ARHGAP42: variants seen among roughly 807,000 people sequenced by gnomAD.
The protein encoded by ARHGAP42 is Rho GTPase activating protein 42, also known as rho GTPase-activating protein 42.
A neutral mutation model predicts 125.0 loss-of-function variants in ARHGAP42; 63 were observed. The ratio of observed to expected loss-of-function variants is 0.50; its 90% CI spans 0.41 to 0.62. The LOEUF (loss-of-function observed/expected upper bound fraction) is 0.62. ARHGAP42 is among the 20% of genes least tolerant of loss of function. The probability of loss-of-function intolerance (pLI) is 0.00; values close to 1 mark genes in which losing one functional copy is unlikely to be tolerated. For missense variants in ARHGAP42, 766 were observed against 1,024.2 expected, an observed-to-expected ratio of 0.75 and a Z score of 3.44; for synonymous variants, 339 against 351.0, an observed-to-expected ratio of 0.97 and a Z score of 0.38.
intron 4 of ARHGAP42, among the ~76,000 whole-genome samples, chr11:100,889,187 C>A (rs1011699586): frequency 1.3e-5 from 2 of 152,140 alleles, no homozygotes; most frequent in African/African-American, 2.4e-5. Flanking sequence ...CTTGCTCTTA[C>A]AACAGAAATA....
intron 2 of ARHGAP42, among the ~76,000 whole-genome samples, chr11:100,781,285 G>T (rs1863305295): frequency 2.1e-5 from 3 of 144,968 alleles, no homozygotes; most frequent in Non-Finnish European, 4.6e-5. Flanking sequence ...AACATGAACT[G>T]TTTTTTTTTT....
intron 1 of ARHGAP42, among the ~76,000 whole-genome samples, chr11:100,762,331 T>C (rs1565560529): frequency 6.6e-6 from 1 of 152,182 alleles, no homozygotes; most frequent in Non-Finnish European, 1.5e-5. Flanking sequence ...TGTGCTTTTT[T>C]TTGCATTTTC....
chr11:100,879,990 A>G (rs948101582), intron 4 of ARHGAP42, among the ~76,000 whole-genome samples: 1 of 152,178 alleles, frequency 6.6e-6, no homozygotes, highest in East Asian at 1.9e-4. Context: ...TAATTTTGCT[A>G]TTCATATGCC....
chr11:100,812,406 T>C (rs1864167873), intron 3 of ARHGAP42, among the ~76,000 whole-genome samples: 1 of 152,196 alleles, frequency 6.6e-6, no homozygotes, highest in Admixed American at 6.5e-5. Flanking sequence ...AGAATACAAC[T>C]CTGGTCAAAA....
chr11:100,891,815 G>C (rs957271605), intron 4 of ARHGAP42, among the ~76,000 whole-genome samples: 1 of 152,142 alleles, frequency 6.6e-6, no homozygotes, highest in African/African-American at 2.4e-5. Context: ...TGCCGAGTTA[G>C]AGGTACACGT....
In ARHGAP42 at chr11:100,879,298, A is replaced by T. The variant is rs138179003; in HGVS notation, c.384+19673A>T. Among the ~76,000 whole-genome samples the T allele has an allele frequency of 1.3e-3, 200 of 152,222 alleles. 1 individual carries two copies. The highest frequency in any genetic ancestry group is 4.3e-3 in the African/African-American group (180 of 41,550). On this transcript the variant is annotated intron_variant, in intron 4 of 23. Coordinates refer to ENST00000298815, the MANE Select transcript of ARHGAP42 (RefSeq NM_152432.4). ...TGTGGTCCTCTCTATTTGGGGGGTT[A>T]TCCTTGGTTTTTGAAGTACTGAGTG...
In ARHGAP42 at chr11:100,985,457, G is replaced by A. The variant is rs537409904; in HGVS notation, c.2457-2056G>A. Among the ~76,000 whole-genome samples the A allele has an allele frequency of 1.8e-4, 27 of 152,198 alleles. No homozygotes were observed. In the South Asian group the frequency reaches 1.9e-3, roughly 11 times the overall value. On this transcript the variant is annotated intron_variant, in intron 22 of 23. Transcript: ENST00000298815. ...TTATAGTTGGCTAGAAGATTTATAGGGAAAAAGTTTATATTCTATTTGAGA... is the reference window on the plus strand; with the variant it reads ...TTATAGTTGGCTAGAAGATTTATAGAGAAAAAGTTTATATTCTATTTGAGA...
chr11:100,868,788 A>G (rs1208027499), intron 4 of ARHGAP42, among the ~76,000 whole-genome samples: 1 of 152,172 alleles, frequency 6.6e-6, no homozygotes, highest in African/African-American at 2.4e-5. Context: ...TAGTTGCCTT[A>G]TCTAAGCTTT....
intron 1 of ARHGAP42, among the ~76,000 whole-genome samples, chr11:100,699,932 G>A (rs1054594839): frequency 2.6e-5 from 4 of 152,036 alleles, no homozygotes; most frequent in East Asian, 1.9e-4. Context: ...CTAGCTTCTC[G>A]TGGTTGCCAG....
intron 3 of ARHGAP42, among the ~76,000 whole-genome samples, chr11:100,809,261 A>G (rs535781187): frequency 1.5e-4 from 23 of 152,208 alleles, no homozygotes; most frequent in South Asian, 1.0e-3. Flanking sequence ...AAAGAAAAAG[A>G]AAAAAAGAAA....
chr11:100,817,640 A>G (rs1477892764), intron 3 of ARHGAP42, among the ~76,000 whole-genome samples: 2 of 152,210 alleles, frequency 1.3e-5, no homozygotes, highest in African/African-American at 2.4e-5. Context: ...ACATCTCCGT[A>G]TAAGCCAGAC....
At chr11:100,957,344 A>G (rs1857830704) in intron 12 of ARHGAP42, among the ~76,000 whole-genome samples, 1 of 152,058 alleles carries the variant, frequency 6.6e-6, no homozygotes, top group Non-Finnish European at 1.5e-5. Context: ...GTCTTGTTCC[A>G]TTGTTAGGCA....
At chr11:100,826,768 CT>C (rs2135085854) in intron 3 of ARHGAP42, among the ~76,000 whole-genome samples, 1 of 152,256 alleles carries the variant, frequency 6.6e-6, no homozygotes, top group African/African-American at 2.4e-5. Flanking sequence ...CATGTCACCC[CT>C]GTCTCTCTGG....
intron 1 of ARHGAP42, among the ~76,000 whole-genome samples, chr11:100,696,460 C>T (rs1469685409): frequency 6.6e-6 from 1 of 151,638 alleles, no homozygotes; most frequent in Non-Finnish European, 1.5e-5. Flanking sequence ...TTCAAGCAAT[C>T]CTCCTGTCTT....
At chr11:100,942,751 G>A (rs1867916979) in intron 9 of ARHGAP42, among the ~76,000 whole-genome samples, 1 of 152,040 alleles carries the variant, frequency 6.6e-6, no homozygotes, top group Admixed American at 6.6e-5. Flanking sequence ...GCATTCATCA[G>A]AGTCTAATAA....
chr11:100,689,401 T>C (rs1035156828), intron 1 of ARHGAP42, among the ~76,000 whole-genome samples: 1 of 152,234 alleles, frequency 6.6e-6, no homozygotes, highest in Non-Finnish European at 1.5e-5. Flanking sequence ...CAGTTCTTGT[T>C]GGAGGTGCCA....
intron 1 of ARHGAP42, among the ~76,000 whole-genome samples, chr11:100,719,152 G>A (rs1344069783): frequency 6.6e-6 from 1 of 152,214 alleles, no homozygotes; most frequent in Non-Finnish European, 1.5e-5. Flanking sequence ...ATTTAAAAAT[G>A]TCAGGCACAG....
At chr11:100,751,283 T>G (rs1169962365) in intron 1 of ARHGAP42, among the ~76,000 whole-genome samples, 6 of 115,862 alleles carry the variant, frequency 5.2e-5, no homozygotes, top group South Asian at 2.6e-4. Flanking sequence ...GTGTGTGTTT[T>G]TTTTTTTTTT....
intron 4 of ARHGAP42, among the ~76,000 whole-genome samples, chr11:100,867,612 A>G (rs1233324668): frequency 1.3e-5 from 2 of 152,064 alleles, no homozygotes; most frequent in Non-Finnish European, 2.9e-5. Flanking sequence ...TTCTATCTAG[A>G]CCCCTAAAAC....
Sources: allele counts gnomAD v4.1 joint callset (sites outside exome capture counted in the v4.1 genomes callset), GRCh38; gene constraint gnomAD v4.1.1; transcripts MANE v1.5; gene names NCBI Gene and HGNC (gene_info 2026-07-23, HGNC 2026-07-21).